PDE8B: variants seen among roughly 807,000 people sequenced by gnomAD.
PDE8B encodes phosphodiesterase 8B, also known as high affinity cAMP-specific and IBMX-insensitive 3',5'-cyclic phosphodiesterase 8B.
PDE8B carries 26 observed loss-of-function variants against 101.3 expected under a neutral mutation model. The ratio of observed to expected loss-of-function variants is 0.26; its 90% CI spans 0.19 to 0.36. The LOEUF (loss-of-function observed/expected upper bound fraction) is 0.36, where lower values mean the gene tolerates loss of function less well. PDE8B is among the 10% of genes least tolerant of loss of function. PDE8B has a pLI of 1.00. For missense variants in PDE8B, 810 were observed against 1,163.1 expected (o/e 0.70, Z 4.42); for synonymous variants, 424 against 429.3 (o/e 0.99, Z 0.15).
chr5:77,201,284 T>C, the PDE8B span, among the ~76,000 whole-genome samples: 1 of 152,220 alleles, frequency 6.6e-6, no homozygotes, highest in Non-Finnish European at 1.5e-5. Context: ...AAAAGGGCGA[T>C]GGTGCGTTTG....
At chr5:77,175,752 T>C in the PDE8B span, among the ~76,000 whole-genome samples, 1 of 152,226 alleles carries the variant, frequency 6.6e-6, no homozygotes, top group Non-Finnish European at 1.5e-5. Flanking sequence ...TCAAAAATAT[T>C]TGTTGAGTGA....
intron 18 of PDE8B, 32 bp from the exon 19 acceptor site, chr5:77,419,735 G>T: frequency 6.2e-7 from 1 of 1,612,450 alleles, no homozygotes; most frequent in South Asian, 1.1e-5. Flanking sequence ...GACACGCTGT[G>T]AACAAGCCCC....
the PDE8B span, among the ~76,000 whole-genome samples, chr5:77,161,879 A>C: frequency 3.6e-4 from 54 of 151,998 alleles, no homozygotes; most frequent in Admixed American, 7.2e-4. Context: ...AATGTTGTTA[A>C]ACATCTTTTT....
At chr5:77,106,512 G>GT in the PDE8B span, among the ~76,000 whole-genome samples, 6 of 152,100 alleles carry the variant, frequency 3.9e-5, no homozygotes, top group Non-Finnish European at 1.5e-5. Context: ...GCATATCTAT[G>GT]TTTTTGCCAT....
chr5:77,156,918 A>G, the PDE8B span, among the ~76,000 whole-genome samples: 1 of 152,078 alleles, frequency 6.6e-6, no homozygotes, highest in Non-Finnish European at 1.5e-5. Context: ...GGAGAAGAGG[A>G]AAGTCAGGGT....
At chr5:77,212,806 A>C (rs1309732514) in intron 1 of PDE8B, among the ~76,000 whole-genome samples, 1 of 152,170 alleles carries the variant, frequency 6.6e-6, no homozygotes, top group African/African-American at 2.4e-5. Flanking sequence ...TCAGGGATGA[A>C]AATGTTAAAT....
chr5:77,180,460 C>T, the PDE8B span: 2 of 985,270 alleles, frequency 2.0e-6, no homozygotes, highest in Admixed American at 6.1e-5. Flanking sequence ...CATGGACCAG[C>T]TGTACTGCCC....
chr5:77,342,727 T>C (rs745960491), intron 6 of PDE8B, among the ~76,000 whole-genome samples: 27 of 152,038 alleles, frequency 1.8e-4, no homozygotes, highest in Non-Finnish European at 3.4e-4. Flanking sequence ...ATAAACAAAA[T>C]GAGAGTTTGA....
Position 77,425,790 on chromosome 5 carries a change from A to G in PDE8B, c.2442A>G (p.Gly814=). 1 of 1,613,870 alleles carries G rather than the reference A, an allele frequency of 6.2e-7. No individual in the cohort carries two copies. The highest frequency in any genetic ancestry group is 8.5e-7 in the Non-Finnish European group (1 of 1,179,762). The change falls in exon 21 of 22, where the codon GGA becomes GGG. Residue 814 remains glycine, a synonymous_variant. Transcript: ENST00000264917. The stretch of plus-strand genomic sequence containing the variant: ...AGACTGATGAAGAGAAGAGACAGGG[A>G]CTACCTGTGGTGATGCCAGTGTTTG... The part of the protein sequence containing the change: ...FAQTDEEKRQ[G]LPVVMPVFDR...
chr5:77,214,863 C>T (rs977544368), intron 1 of PDE8B, among the ~76,000 whole-genome samples: 46 of 151,936 alleles, frequency 3.0e-4, no homozygotes, highest in African/African-American at 1.1e-3. Flanking sequence ...AACAAGCTTC[C>T]AGGAGATGCT....
At chr5:77,169,057 G>A in the PDE8B span, among the ~76,000 whole-genome samples, 1 of 152,218 alleles carries the variant, frequency 6.6e-6, no homozygotes, top group African/African-American at 2.4e-5. Context: ...CACAAGGACA[G>A]CCACACCCTG....
rs759449820 is a variant in PDE8B, at chr5:77,290,138, C to A, written c.340-21856C>A. 1.6e-5 allele frequency: 19 copies of A among 1,186,524 alleles called. No homozygotes were observed. In the African/African-American group the frequency reaches 2.7e-4, roughly 17 times the overall value. The allele number at this position is 1,186,524 out of a possible 1,614,324, so 73.5% of individuals were successfully genotyped here. A position where few individuals can be genotyped will look rare whatever the true frequency, so the allele number is the denominator to read the frequency against. On this transcript the variant is annotated intron_variant, in intron 1 of 21. Transcript: ENST00000264917. ...GTAAGTATTATTACCCCTAGTTCCACGTGTGGAAAATGAATTCCAATCTGG... is the reference window on the plus strand; with the variant it reads ...GTAAGTATTATTACCCCTAGTTCCAAGTGTGGAAAATGAATTCCAATCTGG...
chr5:77,095,358 A>T, the PDE8B span, among the ~76,000 whole-genome samples: 1 of 152,132 alleles, frequency 6.6e-6, no homozygotes, highest in Non-Finnish European at 1.5e-5. Context: ...CTTGTTAGCC[A>T]TTGTTCCGAT....
rs1581519500 is a variant in PDE8B at position 77,404,909 on chromosome 5, C to A, written c.1288+112C>A. ...TCCAAAGAGTAAGAGTTCAACAACACCGACTTATTTTTCAATAAGCTCAAA... is the reference window on the plus strand; with the variant it reads ...TCCAAAGAGTAAGAGTTCAACAACAACGACTTATTTTTCAATAAGCTCAAA... On this transcript the variant is annotated intron_variant, in intron 12 of 21. Coordinates refer to ENST00000264917, the MANE Select transcript of PDE8B (RefSeq NM_003719.5). 1.6e-5 allele frequency: 11 copies of A among 709,246 alleles called. No individual in the cohort carries two copies. The East Asian group carries it at 3.0e-4, about 19-fold the overall frequency. The allele number at this position is 709,246 out of a possible 1,614,324, so 43.9% of individuals were successfully genotyped here.
At chr5:77,097,734 C>CTATATATATATATCTATATATATATATAT in the PDE8B span, among the ~76,000 whole-genome samples, 1 of 26,838 alleles carries the variant, frequency 3.7e-5, no homozygotes, top group African/African-American at 8.0e-5. Flanking sequence ...TATATATATA[C>CTATATATATATATCTATATATATATATAT]ATACATATGA....
At chr5:77,163,538 C>A in the PDE8B span, among the ~76,000 whole-genome samples, 1 of 152,160 alleles carries the variant, frequency 6.6e-6, no homozygotes, top group Non-Finnish European at 1.5e-5. Context: ...CGTCAAATAA[C>A]CACTATGAAC....
chr5:77,391,519 T>C lies in PDE8B; in HGVS notation c.1168-8729T>C, dbSNP rs374191873. Among the ~76,000 whole-genome samples the C allele has an allele frequency of 2.6e-5, 4 of 152,134 alleles. No homozygotes were observed. The East Asian group carries it at 7.7e-4, about 29-fold the overall frequency. ...TCAGCTCAAAATGCCAAATTATACT[T>C]GAAGAAGAATGGCCCAGAGCCACCT... is the stretch of plus-strand genomic sequence containing the variant. On this transcript the variant is annotated intron_variant, in intron 10 of 21. Coordinates refer to ENST00000264917, the MANE Select transcript of PDE8B (RefSeq NM_003719.5).
chr5:77,181,485 G>A, the PDE8B span, among the ~76,000 whole-genome samples: 2 of 152,210 alleles, frequency 1.3e-5, no homozygotes, highest in Admixed American at 1.3e-4. Flanking sequence ...CTTTACAAAA[G>A]CTTGGCTAGA....
intron 1 of PDE8B, among the ~76,000 whole-genome samples, chr5:77,261,244 A>G (rs187326665): frequency 1.3e-3 from 191 of 152,320 alleles, no homozygotes; most frequent in Admixed American, 2.5e-3. Flanking sequence ...TCACCATATG[A>G]TATATACAGA....
Sources: allele counts gnomAD v4.1 joint callset (sites outside exome capture counted in the v4.1 genomes callset), GRCh38; gene constraint gnomAD v4.1.1; transcripts MANE v1.5; gene names NCBI Gene and HGNC (gene_info 2026-07-23, HGNC 2026-07-21).